Variants in ZUP1 observed in about 807,000 individuals in gnomAD.
The protein encoded by ZUP1 is zinc finger containing ubiquitin peptidase 1, also known as zinc finger-containing ubiquitin peptidase 1.
A neutral mutation model predicts 68.1 loss-of-function variants in ZUP1; 55 were observed. The ratio of observed to expected loss-of-function variants is 0.81; its 90% CI spans 0.65 to 1.01. ZUP1 has a LOEUF of 1.01. Ranked by LOEUF, ZUP1 falls within the 50% of genes least tolerant of loss-of-function variation. The probability of loss-of-function intolerance (pLI) is 0.00; values close to 1 mark genes in which losing one functional copy is unlikely to be tolerated. For missense variants in ZUP1, 684 were observed against 674.9 expected, an observed-to-expected ratio of 1.01 and a Z score of -0.15; for synonymous variants, 223 against 221.5, an observed-to-expected ratio of 1.01 and a Z score of -0.06.
chr6:116,654,238 C>CT (rs1300785520), intron 5 of ZUP1, among the ~76,000 whole-genome samples: 1 of 151,738 alleles, frequency 6.6e-6, no homozygotes, highest in Admixed American at 6.6e-5. Flanking sequence ...TAAAGGCAGC[C>CT]TTTAGAAACA....
In ZUP1 at chr6:116,657,486, G is replaced by A. The variant is rs151258316; in HGVS notation, c.793-634C>T. Among the ~76,000 whole-genome samples the A allele has an allele frequency of 3.3e-3, 497 of 152,196 alleles. 12 individuals carry two copies. Among genetic ancestry groups the A allele is most frequent in the Admixed American group, 0.024 (369 of 15,300 alleles). ...GTTTTAAATTACATAAGGCATAAAA[G>A]TCTTAAGAAAAGCCAATTTTCTTTC... On this transcript the variant is annotated intron_variant, in intron 4 of 9. Transcript: ENST00000368576.
rs1187808780 is a variant in ZUP1 at position 116,652,133 on chromosome 6, A to T, written c.1021T>A (p.Trp341Arg). 6.2e-7 allele frequency: 1 copy of T among 1,614,060 alleles called. No individual in the cohort carries two copies. The highest frequency in any genetic ancestry group is 8.5e-7 in the Non-Finnish European group (1 of 1,179,922). The change falls in exon 6 of 10, where the codon TGG becomes AGG. Residue 341 changes from tryptophan (W) to arginine (R), a missense_variant. By Grantham distance (101) the Trp-to-Arg change is moderately radical. Coordinates refer to ENST00000368576, the MANE Select transcript of ZUP1 (RefSeq NM_145062.3). ...AAGTGATCCACCACTGAAGAAAGCC[A>T]CACCCGTCTCACATCTGTGGCAGCA... ...QNAATDVRRV[W>R]LSSVVDHFHS... is the part of the protein sequence containing the mutation.
chr6:116,646,043 G>GGCCGGGCGCGGTGGCTCACGCCTGTAA, intron 8 of ZUP1, 109 bp from the exon 9 acceptor site: 1 of 717,066 alleles, frequency 1.4e-6, no homozygotes, highest in South Asian at 2.2e-5. Context: ...TATAAATACA[G>GGCCGGGCGCGGTGGCTCACGCCTGTAA]TCAGACTCTG....
Position 116,635,876 on chromosome 6 carries a change from T to G in ZUP1, c.1693A>C (p.Arg565=). The stretch of plus-strand genomic sequence containing the variant: ...GTAAAGACTTGAGAAGCTTGTCTCC[T>G]GGCCTTGAAAAGAAATTTTAAAAAA... ...GALSLEEKLA[R]RQASQVFTAE... Residue 565 remains arginine (R), a synonymous_variant, in exon 10 of 10, where the codon AGG becomes CGG. Transcript: ENST00000368576. 6.3e-7 allele frequency: 1 copy of G among 1,586,588 alleles called. No homozygotes were observed. The highest frequency in any genetic ancestry group is 8.6e-7 in the Non-Finnish European group (1 of 1,168,526).
chr6:116,668,520 A>G (rs1450889691), intron 1 of ZUP1, 46 bp downstream of exon 1: 2 of 152,440 alleles, frequency 1.3e-5, no homozygotes, highest in African/African-American at 4.8e-5. Context: ...TAACTGGGTC[A>G]AAGCTTTGGG....
intron 1 of ZUP1, among the ~76,000 whole-genome samples, chr6:116,668,266 A>G (rs1424008449): frequency 6.6e-6 from 1 of 152,176 alleles, no homozygotes; most frequent in African/African-American, 2.4e-5. Flanking sequence ...TCACACCCGG[A>G]GTTTCTTCTC....
chr6:116,642,873 A>G (rs1337160679), intron 9 of ZUP1, among the ~76,000 whole-genome samples: 3 of 152,164 alleles, frequency 2.0e-5, no homozygotes, highest in Admixed American at 6.5e-5. Context: ...AGGGTATTCA[A>G]TTAGGAAAAG....
At chr6:116,654,617 T>C (rs1776610335) in intron 5 of ZUP1, among the ~76,000 whole-genome samples, 1 of 152,020 alleles carries the variant, frequency 6.6e-6, no homozygotes, top group Admixed American at 6.5e-5. Flanking sequence ...AAAGGCACTA[T>C]ATATAACATT....
chr6:116,658,692 T>C, intron 4 of ZUP1, 111 bp downstream of exon 4: 1 of 999,566 alleles, frequency 1.0e-6, no homozygotes, highest in East Asian at 2.8e-5. Flanking sequence ...GTTACAAACA[T>C]GTATAAATTT....
Position 116,652,069 on chromosome 6 carries a change from TA to T in ZUP1, c.1084del (p.Tyr362ThrfsTer21), listed in dbSNP as rs1562405663. The T allele has an allele frequency of 6.2e-7, 1 of 1,613,992 alleles. No homozygotes were observed. Among genetic ancestry groups the T allele is most frequent in the Non-Finnish European group, 8.5e-7 (1 of 1,179,902 alleles). On this transcript the variant is annotated frameshift_variant, in exon 6 of 10. Coordinates refer to ENST00000368576, the MANE Select transcript of ZUP1 (RefSeq NM_145062.3). LOFTEE classifies it high-confidence loss of function. The stretch of plus-strand genomic sequence containing the variant: ...TGAAAGTAGCATTTGGAAATTTCTG[TA>T]ACCACAACCCCAACCTTTGTCGCCT... ...SLGDKGWGCG[Y>X]RNFQMLLSSL...
intron 2 of ZUP1, among the ~76,000 whole-genome samples, chr6:116,661,734 T>C (rs1244333958): frequency 6.6e-6 from 1 of 150,630 alleles, no homozygotes; most frequent in East Asian, 1.9e-4. Context: ...ATGTAAGGCC[T>C]GGTCTGAAAG....
chr6:116,635,802 A>C lies in ZUP1; in HGVS notation c.*30T>G. 1 of 1,580,456 alleles carries C rather than the reference A, an allele frequency of 6.3e-7. No individual in the cohort carries two copies. The highest frequency in any genetic ancestry group is 8.6e-7 in the Non-Finnish European group (1 of 1,164,032). ...ATTTAGAAAACAAAGTATTGTTCTC[A>C]ATCACTGAAATGCTTAAATGCTTGA... On this transcript the variant is annotated 3_prime_UTR_variant, in exon 10 of 10. Transcript: ENST00000368576.
At chr6:116,654,470 C>T (rs764278442) in intron 5 of ZUP1, among the ~76,000 whole-genome samples, 1 of 151,634 alleles carries the variant, frequency 6.6e-6, no homozygotes, top group Non-Finnish European at 1.5e-5. Flanking sequence ...ATATGAAATG[C>T]AAAATATAAA....
At position 116,645,798 on chromosome 6, in the gene ZUP1, T is replaced by C. The variant is rs746869531; in HGVS notation, c.1605A>G (p.Gln535=). ...KQDIEASSLK[Q]LRKSMGNLKH... ...TTAAATTTCCCATAGATTTCCGAAG[T>C]TGCTTGAGACTGCTAGCCTCTATGT... Residue 535 remains glutamine, a synonymous_variant, in exon 9 of 10, where the codon CAA becomes CAG. Coordinates refer to ENST00000368576, the MANE Select transcript of ZUP1 (RefSeq NM_145062.3). 5.9e-5 allele frequency: 96 copies of C among 1,613,872 alleles called. No homozygotes were observed. Among genetic ancestry groups the C allele is most frequent in the Non-Finnish European group, 7.5e-5 (89 of 1,179,948 alleles).
rs1775894365 is a variant in ZUP1, at chr6:116,635,768, A to C, written c.*64T>G. 7.6e-7 allele frequency: 1 copy of C among 1,318,036 alleles called. No individual in the cohort carries two copies. The highest frequency in any genetic ancestry group is 1.1e-6 in the Non-Finnish European group (1 of 944,610). 81.6% of individuals were successfully genotyped at this position (1,318,036 alleles called of 1,614,324 possible). On this transcript the variant is annotated 3_prime_UTR_variant, in exon 10 of 10. Transcript: ENST00000368576. ...GATTCATAATTGTATTAAGGAGTTC[A>C]ATATCTACATTTAGAAAACAAAGTA...
chr6:116,662,163 A>G (rs1003376380), intron 2 of ZUP1, among the ~76,000 whole-genome samples: 1 of 152,262 alleles, frequency 6.6e-6, no homozygotes, highest in African/African-American at 2.4e-5. Context: ...GTAAGAAATA[A>G]TGGTATACAG....
In ZUP1 at chr6:116,645,895, T is replaced by C. The variant is rs186282051; in HGVS notation, c.1508A>G (p.Asn503Ser). The change falls in exon 9 of 10, where the codon AAC (asparagine) becomes AGC (serine). Residue 503 changes from asparagine (N) to serine (S), a missense_variant. Physicochemically the swap from Asn to Ser is conservative, Grantham distance 46. Transcript: ENST00000368576. ...AAGTATTAGTAAGCATAATGTTCGG[T>C]TTTTTTTCTCTTCAATTCCAATAAC... ...RTVIGIEEKKNRTLCLLILDP... is the reference protein window; with the variant it reads ...RTVIGIEEKKSRTLCLLILDP... 116 of 1,613,168 alleles carry C rather than the reference T, an allele frequency of 7.2e-5. No homozygotes were observed. In the Admixed American group the frequency reaches 1.4e-3, roughly 19 times the overall value.
chr6:116,662,002 T>G lies in ZUP1; in HGVS notation c.560-1156A>C, dbSNP rs538168938. Among the ~76,000 whole-genome samples, 8 of 152,276 alleles carry G rather than the reference T, an allele frequency of 5.3e-5. No individual in the cohort carries two copies. In the South Asian group the frequency reaches 1.7e-3, roughly 32 times the overall value. On this transcript the variant is annotated intron_variant, in intron 2 of 9. Coordinates refer to ENST00000368576, the MANE Select transcript of ZUP1 (RefSeq NM_145062.3). ...CTGAAATAAAGGAGGGAACTGAATC[T>G]TTGAAACCAGGACAGAAAGTTACTA...
intron 7 of ZUP1, among the ~76,000 whole-genome samples, chr6:116,651,090 T>C (rs1776475944): frequency 6.6e-6 from 1 of 152,114 alleles, no homozygotes; most frequent in Non-Finnish European, 1.5e-5. Context: ...CTTGAGGCCA[T>C]GATGTCGTCA....
Sources: allele counts gnomAD v4.1 joint callset (sites outside exome capture counted in the v4.1 genomes callset), GRCh38; gene constraint gnomAD v4.1.1; transcripts MANE v1.5; gene names NCBI Gene and HGNC (gene_info 2026-07-23, HGNC 2026-07-21).